KAZN: variants seen among roughly 807,000 people sequenced by gnomAD.
KAZN encodes the protein kazrin.
In KAZN, 40 loss-of-function variants were observed where a neutral mutation model predicts 87.4. The observed-to-expected ratio is 0.46, with a 90% CI of 0.36 to 0.60. KAZN has a LOEUF of 0.60. Among genes scored for constraint, KAZN ranks in the 20% least tolerant of loss-of-function variants. The probability of loss-of-function intolerance (pLI) is 0.00; values close to 1 mark genes in which losing one functional copy is unlikely to be tolerated. For missense variants in KAZN, 898 were observed against 1,073.9 expected, an observed-to-expected ratio of 0.84 and a Z score of 2.29; for synonymous variants, 466 against 458.3, an observed-to-expected ratio of 1.02 and a Z score of -0.22.
intron 1 of KAZN, among the ~76,000 whole-genome samples, chr1:13,904,687 A>T (rs1639371959): frequency 6.6e-6 from 1 of 152,020 alleles, no homozygotes; most frequent in Non-Finnish European, 1.5e-5. Flanking sequence ...ATTTGCTTTG[A>T]AAGTCTTTGT....
At chr1:14,508,597 G>A (rs1352413077) in intron 2 of KAZN, among the ~76,000 whole-genome samples, 6 of 152,202 alleles carry the variant, frequency 3.9e-5, no homozygotes, top group Non-Finnish European at 1.5e-5. Context: ...TTTCAATAGA[G>A]GCGCTCTCCA....
At chr1:14,049,582 G>T (rs1204273405) in intron 1 of KAZN, among the ~76,000 whole-genome samples, 1 of 152,114 alleles carries the variant, frequency 6.6e-6, no homozygotes, top group Non-Finnish European at 1.5e-5. Context: ...GGGTGCTTCT[G>T]CCCCAGTCTT....
chr1:15,098,787 C>G (rs564809660), intron 10 of KAZN, among the ~76,000 whole-genome samples: 31 of 152,350 alleles, frequency 2.0e-4, no homozygotes, highest in African/African-American at 7.2e-4. Context: ...TCCAGGTGGA[C>G]TGGGGCAGAT....
At chr1:14,708,605 C>G (rs1158717160) in intron 1 of KAZN, among the ~76,000 whole-genome samples, 1 of 152,154 alleles carries the variant, frequency 6.6e-6, no homozygotes, top group Non-Finnish European at 1.5e-5. Context: ...CACAAAGGTA[C>G]TTTTTAAGCC....
intron 2 of KAZN, among the ~76,000 whole-genome samples, chr1:14,488,334 G>A (rs140839758): frequency 5.7e-4 from 87 of 152,220 alleles, no homozygotes; most frequent in African/African-American, 2.0e-3. Context: ...AAAAGAGAAC[G>A]GTGACCTCTC....
intron 1 of KAZN, among the ~76,000 whole-genome samples, chr1:13,982,566 C>T (rs968497491): frequency 4.6e-5 from 7 of 152,196 alleles, no homozygotes; most frequent in East Asian, 1.9e-4. Flanking sequence ...ACTGCTGGCT[C>T]GGGCAGCCTG....
chr1:14,436,915 G>A (rs1666431415), intron 2 of KAZN, among the ~76,000 whole-genome samples: 1 of 152,066 alleles, frequency 6.6e-6, no homozygotes, highest in African/African-American at 2.4e-5. Flanking sequence ...TACTTTGCAT[G>A]CACCTCTCCA....
In KAZN at chr1:14,802,133, T is replaced by A. The variant is rs113519353; in HGVS notation, c.227-158551T>A. Among the ~76,000 whole-genome samples the A allele has an allele frequency of 7.1e-3, 1,070 of 151,644 alleles. 14 individuals are homozygous for A. The highest frequency in any genetic ancestry group is 0.025 in the African/African-American group (1,030 of 41,464). On this transcript the variant is annotated intron_variant, in intron 1 of 14. Transcript: ENST00000376030. ...TCAAAATTGGGACAATGGCCGGGCA[T>A]GGTGGCTCACACCTGTAATCCCAGC...
intron 1 of KAZN, among the ~76,000 whole-genome samples, chr1:14,797,060 T>A (rs969220045): frequency 6.6e-6 from 1 of 152,108 alleles, no homozygotes; most frequent in African/African-American, 2.4e-5. Flanking sequence ...GTTTTTTTGT[T>A]TTTTGGTTTT....
intron 2 of KAZN, among the ~76,000 whole-genome samples, chr1:14,574,200 T>G (rs1328551627): frequency 2.0e-5 from 3 of 152,216 alleles, no homozygotes; most frequent in African/African-American, 4.8e-5. Flanking sequence ...CTTGGTTTCC[T>G]CATGTATAGC....
At chr1:14,868,704 C>T (rs1651805626) in intron 1 of KAZN, among the ~76,000 whole-genome samples, 1 of 151,376 alleles carries the variant, frequency 6.6e-6, no homozygotes, top group Admixed American at 6.6e-5. Flanking sequence ...AGGAGCCAGG[C>T]ATGGTGGCGT....
chr1:14,897,162 C>T (rs1463674931), intron 1 of KAZN, among the ~76,000 whole-genome samples: 1 of 152,176 alleles, frequency 6.6e-6, no homozygotes, highest in Non-Finnish European at 1.5e-5. Flanking sequence ...GAACATTATA[C>T]TTGTTCACAG....
At chr1:14,463,335 G>T (rs887998240) in intron 2 of KAZN, among the ~76,000 whole-genome samples, 44 of 152,256 alleles carry the variant, frequency 2.9e-4, no homozygotes, top group African/African-American at 1.0e-3. Flanking sequence ...GTCTGGACCA[G>T]ATTCTGTATT....
chr1:14,974,019 A>T (rs548003071), intron 2 of KAZN, among the ~76,000 whole-genome samples: 31 of 151,930 alleles, frequency 2.0e-4, no homozygotes, highest in Middle Eastern at 3.4e-3. Flanking sequence ...ATTCCTCTGG[A>T]CGACCCAAGA....
intron 1 of KAZN, among the ~76,000 whole-genome samples, chr1:14,119,053 C>CA (rs891746202): frequency 2.0e-4 from 31 of 151,646 alleles, no homozygotes; most frequent in Admixed American, 1.2e-3. Flanking sequence ...AAAACAAAAA[C>CA]AAAAAAAACC....
chr1:13,981,248 A>G (rs917546776), intron 1 of KAZN, among the ~76,000 whole-genome samples: 2 of 147,398 alleles, frequency 1.4e-5, no homozygotes, highest in Non-Finnish European at 3.0e-5. Flanking sequence ...AGTTAAAATT[A>G]TTAATTTAAA....
chr1:14,981,723 G>A (rs1264307115), intron 2 of KAZN, among the ~76,000 whole-genome samples: 2 of 152,208 alleles, frequency 1.3e-5, no homozygotes, highest in African/African-American at 4.8e-5. Flanking sequence ...TACACAAGCT[G>A]TGCGACTGTC....
chr1:13,981,128 T>TATGTATATATATATATGTATA (rs375605048), intron 1 of KAZN, among the ~76,000 whole-genome samples: 2 of 134,448 alleles, frequency 1.5e-5, no homozygotes, highest in African/African-American at 2.7e-5. Flanking sequence ...TAAACACAGA[T>TATGTATATATATATATGTATA]TATATATAGT....
At chr1:14,930,434 A>G (rs914440242) in intron 1 of KAZN, among the ~76,000 whole-genome samples, 5 of 152,234 alleles carry the variant, frequency 3.3e-5, no homozygotes, top group Non-Finnish European at 5.9e-5. Flanking sequence ...GCACAGCCTC[A>G]GCAGCATGTT....
Sources: allele counts gnomAD v4.1 joint callset (sites outside exome capture counted in the v4.1 genomes callset), GRCh38; gene constraint gnomAD v4.1.1; transcripts MANE v1.5; gene names NCBI Gene and HGNC (gene_info 2026-07-23, HGNC 2026-07-21).